Variants in TGM1 observed in about 807,000 individuals in gnomAD.
TGM1 encodes transglutaminase 1.
A neutral mutation model predicts 88.7 loss-of-function variants in TGM1; 63 were observed. That is an observed-to-expected ratio of 0.71 (90% CI 0.58 to 0.88). The LOEUF (loss-of-function observed/expected upper bound fraction) is 0.88, where lower values mean the gene tolerates loss of function less well. Among genes scored for constraint, TGM1 ranks in the 40% least tolerant of loss-of-function variants. The pLI, the probability that TGM1 is intolerant of heterozygous loss-of-function variation, is 0.00. For synonymous variants in TGM1, 415 were observed against 431.1 expected, an observed-to-expected ratio of 0.96 and a Z score of 0.46; for missense variants, 996 against 1,118.0, an observed-to-expected ratio of 0.89 and a Z score of 1.56.
intron 3 of TGM1, among the ~76,000 whole-genome samples, chr14:24,261,317 G>A (rs2040806761): frequency 6.6e-6 from 1 of 152,124 alleles, no homozygotes; most frequent in South Asian, 2.1e-4. Flanking sequence ...AGACAGAATT[G>A]GCAGAGATGG....
rs376590179 is a variant in TGM1, at chr14:24,261,807, G to A, written c.396C>T (p.Asp132=). The A allele has an allele frequency of 5.3e-5, 85 of 1,614,086 alleles. No individual in the cohort carries two copies. The highest frequency in any genetic ancestry group is 1.3e-4 in the East Asian group (6 of 44,874). ...CTATCAGCTCGTCGTACTCATACTC[G>A]TCTGTGTGGTGCTCTCGGCGGTTCT... ...SDQNRREHHT[D]EYEYDELIVR... The change falls in exon 3 of 15, where the codon GAC becomes GAT. Residue 132 remains aspartate, a synonymous_variant. Coordinates refer to ENST00000206765, the MANE Select transcript of TGM1 (RefSeq NM_000359.3).
chr14:24,261,596 G>T, intron 3 of TGM1, 99 bp downstream of exon 3: 1 of 1,435,598 alleles, frequency 7.0e-7, no homozygotes, highest in Non-Finnish European at 9.8e-7. Flanking sequence ...GAGGTGAGGA[G>T]TGGGGCAGGG....
At chr14:24,249,580 G>A (rs968288100) in intron 14 of TGM1, 39 bp from the exon 15 acceptor site, 1 of 1,563,966 alleles carries the variant, frequency 6.4e-7, no homozygotes, top group Non-Finnish European at 8.8e-7. Flanking sequence ...GGAGTAATTG[G>A]GGGTGGAGTG....
intron 4 of TGM1, 98 bp downstream of exon 4, chr14:24,260,352 G>A (rs1335329544): frequency 1.3e-6 from 2 of 1,557,028 alleles, no homozygotes; most frequent in African/African-American, 1.4e-5. Flanking sequence ...GCTTCTCCTG[G>A]GGTCAGGCAC....
rs779287673 is a variant in TGM1 at position 24,259,160 on chromosome 14, G to C, written c.1074C>G (p.Ser358Arg). ...RGTNPSAWVG[S>R]VEILLSYLRT... ...GTAGGTAGCTAAGCAGGATCTCCAC[G>C]CTGCCCACCCACGCTGATGGGTTGG... Residue 358 changes from serine (S) to arginine (R), a missense_variant, in exon 7 of 15, where the codon AGC (serine) becomes AGG (arginine). Physicochemically the swap from Ser to Arg is moderately radical, Grantham distance 110. Transcript: ENST00000206765. The surrounding 1 kb of genome is among the most constrained non-coding windows in gnomAD (Gnocchi z 5.7). 1.3e-5 allele frequency: 21 copies of C among 1,614,112 alleles called. No individual in the cohort carries two copies. Among genetic ancestry groups the C allele is most frequent in the Non-Finnish European group, 1.0e-5 (12 of 1,179,998 alleles).
At position 24,261,771 on chromosome 14, in the gene TGM1, C is replaced by T. The variant is rs141559048; in HGVS notation, c.432G>A (p.Gly144=). Residue 144 remains glycine (G), a synonymous_variant, in exon 3 of 15, where the codon GGG becomes GGA. Transcript: ENST00000206765. The stretch of plus-strand genomic sequence containing the variant: ...GGAGGAGGAGCATATGGAAAGGCTG[C>T]CCGCGGCGCACTATCAGCTCGTCGT... The part of the protein sequence containing the change: ...YEYDELIVRR[G]QPFHMLLLLS... The T allele has an allele frequency of 7.7e-4, 1,238 of 1,614,104 alleles. 2 individuals carry two copies. Among genetic ancestry groups the T allele is most frequent in the Admixed American group, 2.0e-3 (123 of 60,032 alleles).
chr14:24,250,599 C>T (rs2040693677), intron 14 of TGM1, among the ~76,000 whole-genome samples: 1 of 152,150 alleles, frequency 6.6e-6, no homozygotes, highest in African/African-American at 2.4e-5. Context: ...GAATGAGCAC[C>T]CAGCTCTGCC....
rs1285980987 is a variant in TGM1 at position 24,259,718 on chromosome 14, C to A, written c.970G>T (p.Val324Phe). The A allele has an allele frequency of 1.2e-6, 2 of 1,611,256 alleles. No individual in the cohort carries two copies. Among genetic ancestry groups the A allele is most frequent in the Non-Finnish European group, 8.5e-7 (1 of 1,179,028 alleles). The part of the protein sequence containing the change: ...GRGDPVNVSR[V>F]ISAMVNSLDD... ...AGGGTGCTCACCATGGCAGAGATGA[C>A]CCGGGAGACATTGACTGGGTCTCCA... is the stretch of plus-strand genomic sequence containing the variant. The change falls in exon 6 of 15, where the codon GTC (valine) becomes TTC (phenylalanine). Residue 324 changes from valine to phenylalanine, a missense_variant. Transcript: ENST00000206765. This position sits in a 1 kb window ranked among gnomAD's most constrained non-coding sequence, Gnocchi z 5.7.
Position 24,255,963 on chromosome 14 carries a change from GA to G in TGM1, c.1491+25del. 1 of 1,544,112 alleles carries G rather than the reference GA, an allele frequency of 6.5e-7. No individual in the cohort carries two copies. The highest frequency in any genetic ancestry group is 8.8e-7 in the Non-Finnish European group (1 of 1,139,402). ...CAGAGAACCCATGACTGAAGCCCAA[GA>G]AGGCACCTGGAGCCCAGCCCTCACC... On this transcript the variant is annotated intron_variant, in intron 10 of 14. Coordinates refer to ENST00000206765, the MANE Select transcript of TGM1 (RefSeq NM_000359.3). The surrounding 1 kb of genome is among the most constrained non-coding windows in gnomAD (Gnocchi z 4.0).
intron 9 of TGM1, among the ~76,000 whole-genome samples, chr14:24,257,307 G>A (rs564256597): frequency 6.6e-6 from 1 of 152,300 alleles, no homozygotes; most frequent in Non-Finnish European, 1.5e-5. Flanking sequence ...GGGCAGGCCT[G>A]GTGGCCTGGG....
chr14:24,258,595 A>G lies in TGM1; in HGVS notation c.1238T>C (p.Met413Thr), dbSNP rs1428838338. Residue 413 changes from methionine to threonine, a missense_variant, in exon 8 of 15, where the codon ATG becomes ACG. Met to Thr is a moderately conservative substitution (Grantham distance 81). Coordinates refer to ENST00000206765, the MANE Select transcript of TGM1 (RefSeq NM_000359.3). ...SAHDTDTSLT[M>T]DIYFDENMKP... ...CATGTTCTCGTCGAAGTAGATGTCC[A>G]TGGTAAGGGATGTGTCTGTGTCGTG... The G allele has an allele frequency of 6.2e-7, 1 of 1,614,176 alleles. No individual in the cohort carries two copies. The highest frequency in any genetic ancestry group is 8.5e-7 in the Non-Finnish European group (1 of 1,180,036).
chr14:24,260,059 C>T lies in TGM1; in HGVS notation c.758-1G>A, dbSNP rs2040795178. 4 of 1,611,998 alleles carry T rather than the reference C, an allele frequency of 2.5e-6. No individual in the cohort carries two copies. The highest frequency in any genetic ancestry group is 3.4e-6 in the Non-Finnish European group (4 of 1,178,018). Reference sequence around the variant, plus strand: ...TCATGGTCCACGTACACAATGTCCTCTGTGTCCCCAGAACACACAAAACTG... The same window carrying T: ...TCATGGTCCACGTACACAATGTCCTTTGTGTCCCCAGAACACACAAAACTG... On this transcript the variant is annotated splice_acceptor_variant, in intron 4 of 14. Transcript: ENST00000206765. LOFTEE classifies it high-confidence loss of function.
chr14:24,249,371 G>T lies in TGM1; in HGVS notation c.2396C>A (p.Ala799Asp), dbSNP rs2040679849. The T allele has an allele frequency of 6.2e-7, 1 of 1,614,054 alleles. No homozygotes were observed. Among genetic ancestry groups the T allele is most frequent in the African/African-American group, 1.3e-5 (1 of 75,020 alleles). The change falls in exon 15 of 15, where the codon GCT becomes GAT. Residue 799 changes from alanine (A) to aspartate (D), a missense_variant. Transcript: ENST00000206765. ...APGDGGFFSD[A>D]GGDSHLGETI... ...CTCTCCTAAGTGACTGTCACCTCCA[G>T]CGTCTGAGAAGAAGCCCCCATCCCC...
intron 14 of TGM1, among the ~76,000 whole-genome samples, chr14:24,251,929 T>C (rs2040704412): frequency 6.6e-6 from 1 of 152,044 alleles, no homozygotes; most frequent in South Asian, 2.1e-4. Context: ...CTAGAGAATA[T>C]GATTCAGACT....
chr14:24,255,170 C>A lies in TGM1; in HGVS notation c.1729G>T (p.Glu577Ter). 6.2e-7 allele frequency: 1 copy of A among 1,614,094 alleles called. No homozygotes were observed. Residue 577 changes from glutamate (E) to a stop codon, truncating the protein, a stop_gained, in exon 12 of 15, where the codon GAG becomes TAG. Transcript: ENST00000206765. LOFTEE classifies it high-confidence loss of function. This position sits in a 1 kb window ranked among gnomAD's most constrained non-coding sequence, Gnocchi z 4.0. ...PNVYANRGSA[E>*]DVAMQVEAQD... ...GCCTCCACCTGCATGGCCACATCCT[C>A]CGCTGAGCCCCGGTTGGCATACACA...
rs769601827 is a variant in TGM1 at position 24,259,106 on chromosome 14, C to T, written c.1128G>A (p.Gln376=). The change falls in exon 7 of 15, where the codon CAG becomes CAA. Residue 376 remains glutamine, a synonymous_variant. Transcript: ENST00000206765. The surrounding 1 kb of genome is among the most constrained non-coding windows in gnomAD (Gnocchi z 5.7). ...TGGTCACGCCAGCAAAGACCCAGCACTGGCCATAGGGGACGGAATATCCCG... is the reference window on the plus strand; with the variant it reads ...TGGTCACGCCAGCAAAGACCCAGCATTGGCCATAGGGGACGGAATATCCCG... The part of the protein sequence containing the change: ...LRTGYSVPYG[Q]CWVFAGVTTT... 1.9e-6 allele frequency: 3 copies of T among 1,614,132 alleles called. No individual in the cohort carries two copies. Among genetic ancestry groups the T allele is most frequent in the South Asian group, 1.1e-5 (1 of 91,088 alleles).
Position 24,255,430 on chromosome 14 carries a change from TGA to T in TGM1, c.1577_1578del (p.Leu526HisfsTer19). On this transcript the variant is annotated frameshift_variant, in exon 11 of 15. Coordinates refer to ENST00000206765, the MANE Select transcript of TGM1 (RefSeq NM_000359.3). LOFTEE classifies it high-confidence loss of function. The surrounding 1 kb of genome is among the most constrained non-coding windows in gnomAD (Gnocchi z 4.0). ...VYVEEKAIGT[L>X]IVTKAISSNM... Reference sequence around the variant, plus strand: ...TTGGAGCTGATGGCCTTTGTGACAATGAGTGTGCCGATGGCCTTCTCCTCCAC... The same window carrying T: ...TTGGAGCTGATGGCCTTTGTGACAATGTGTGCCGATGGCCTTCTCCTCCAC... 6.2e-7 allele frequency: 1 copy of T among 1,614,144 alleles called. No individual in the cohort carries two copies. The highest frequency in any genetic ancestry group is 8.5e-7 in the Non-Finnish European group (1 of 1,180,022).
At chr14:24,262,459 A>G in intron 1 of TGM1, 105 bp from the exon 2 acceptor site, 3 of 1,235,214 alleles carry the variant, frequency 2.4e-6, no homozygotes, top group Non-Finnish European at 3.5e-6. Flanking sequence ...GATGACCGAA[A>G]CAATCCCACC....
intron 9 of TGM1, 84 bp downstream of exon 9, chr14:24,258,201 G>C: frequency 8.2e-7 from 1 of 1,217,844 alleles, no homozygotes; most frequent in Non-Finnish European, 1.2e-6. Flanking sequence ...TCTCCGGCCC[G>C]GCCCAGCACT....
Sources: gnomAD v4.1 joint callset for allele counts (sites outside exome capture counted in the v4.1 genomes callset) on GRCh38, gnomAD v4.1.1 for gene constraint, Gnocchi (gnomAD v3.1) non-coding constraint, MANE v1.5 for transcripts, NCBI Gene and HGNC (gene_info 2026-07-23, HGNC 2026-07-21) for gene names.